Variants in IL1RAP observed in about 807,000 individuals in gnomAD.
The protein encoded by IL1RAP is interleukin 1 receptor accessory protein, also known as interleukin-1 receptor accessory protein.
In IL1RAP, 35 loss-of-function variants were observed where a neutral mutation model predicts 60.7. That is an observed-to-expected ratio of 0.58 (90% CI 0.44 to 0.76). The LOEUF is 0.76. IL1RAP is among the 30% of genes least tolerant of loss of function. The pLI is 0.00. For synonymous variants in IL1RAP, 268 were observed against 250.9 expected (o/e 1.07, Z -0.64); for missense variants, 572 against 693.9 (o/e 0.82, Z 1.97).
intron 5 of IL1RAP, among the ~76,000 whole-genome samples, chr3:190,616,753 T>G (rs969419164): frequency 1.3e-5 from 2 of 152,160 alleles, no homozygotes; most frequent in African/African-American, 4.8e-5. Flanking sequence ...ACTTATACAC[T>G]CGATGAGCCC....
Position 190,651,420 on chromosome 3 carries a change from TTTTA to T in IL1RAP, c.*2719_*2722del. The T allele has an allele frequency of 1.5e-6, 1 of 652,908 alleles. No individual in the cohort carries two copies. The highest frequency in any genetic ancestry group is 1.9e-6 in the Non-Finnish European group (1 of 526,650). 40.4% of individuals were successfully genotyped at this position (652,908 alleles called of 1,614,324 possible). A position where few individuals can be genotyped will look rare whatever the true frequency, so the allele number is the denominator to read the frequency against. On this transcript the variant is annotated 3_prime_UTR_variant, in exon 12 of 12. Transcript: ENST00000447382. ...GGTTTTAATATTTTGAGAGTGTCTT[TTTTA>T]TTTCATTCATGAACTTTTGTATTTT...
At chr3:190,646,686 T>C (rs1038678561) in intron 11 of IL1RAP, among the ~76,000 whole-genome samples, 1 of 152,218 alleles carries the variant, frequency 6.6e-6, no homozygotes, top group African/African-American at 2.4e-5. Context: ...TATCTAATCA[T>C]AAGCAAGACA....
Position 190,553,619 on chromosome 3 carries a change from C to T in IL1RAP, c.-88-2511C>T, listed in dbSNP as rs568652856. On this transcript the variant is annotated intron_variant, in intron 1 of 11. Coordinates refer to ENST00000447382, the MANE Select transcript of IL1RAP (RefSeq NM_002182.4). ...GATGGGACGGGGAACGGGGAGCTGC[C>T]GTTTGCCCGTCCATCCGGAAAAAAG... Among the ~76,000 whole-genome samples the T allele has an allele frequency of 5.9e-5, 9 of 152,172 alleles. No homozygotes were observed. The East Asian group carries it at 7.8e-4, about 13-fold the overall frequency.
At chr3:190,593,746 C>T (rs1216940046) in intron 3 of IL1RAP, among the ~76,000 whole-genome samples, 1 of 152,066 alleles carries the variant, frequency 6.6e-6, no homozygotes, top group East Asian at 1.9e-4. Flanking sequence ...ATGTCCCTCC[C>T]ACGACATTTG....
chr3:190,648,578 A>G lies in IL1RAP; in HGVS notation c.1586A>G (p.Glu529Gly). Residue 529 changes from glutamate to glycine, a missense_variant, in exon 12 of 12, where the codon GAA becomes GGA. Coordinates refer to ENST00000447382, the MANE Select transcript of IL1RAP (RefSeq NM_002182.4). ...TVLTVIKWKG[E>G]KSKYPQGRFW... Reference sequence around the variant, plus strand: ...CTCACGGTCATTAAATGGAAAGGGGAAAAATCCAAGTATCCACAGGGCAGG... The same window carrying G: ...CTCACGGTCATTAAATGGAAAGGGGGAAAATCCAAGTATCCACAGGGCAGG... 6.2e-7 allele frequency: 1 copy of G among 1,614,154 alleles called. No individual in the cohort carries two copies. The highest frequency in any genetic ancestry group is 8.5e-7 in the Non-Finnish European group (1 of 1,180,024).
chr3:190,579,980 A>G (rs1452486490), intron 3 of IL1RAP, among the ~76,000 whole-genome samples: 1 of 152,208 alleles, frequency 6.6e-6, no homozygotes, highest in Non-Finnish European at 1.5e-5. Flanking sequence ...TTCATCCCTG[A>G]TGCACCTGTG....
At chr3:190,619,600 C>G (rs920576313) in intron 5 of IL1RAP, among the ~76,000 whole-genome samples, 5 of 151,958 alleles carry the variant, frequency 3.3e-5, no homozygotes, top group Non-Finnish European at 5.9e-5. Flanking sequence ...TGGCGCGCAC[C>G]TGTACTCCCA....
Position 190,648,446 on chromosome 3 carries a change from C to G in IL1RAP, c.1454C>G (p.Ala485Gly), listed in dbSNP as rs1383824256. 1 of 1,614,136 alleles carries G rather than the reference C, an allele frequency of 6.2e-7. No homozygotes were observed. Among genetic ancestry groups the G allele is most frequent in the Non-Finnish European group, 8.5e-7 (1 of 1,180,012 alleles). The change falls in exon 12 of 12, where the codon GCT (alanine) becomes GGT (glycine). Residue 485 changes from alanine (A) to glycine (G), a missense_variant. Physicochemically the swap from Ala to Gly is moderately conservative, Grantham distance 60. Transcript: ENST00000447382. The part of the protein sequence containing the change: ...QGTQALLELK[A>G]GLENMASRGN... ...ACCCAAGCCCTCCTGGAGCTCAAGG[C>G]TGGCCTAGAAAATATGGCCTCTCGG...
At chr3:190,593,673 C>T (rs1361563180) in intron 3 of IL1RAP, among the ~76,000 whole-genome samples, 4 of 152,042 alleles carry the variant, frequency 2.6e-5, no homozygotes, top group South Asian at 4.2e-4. Context: ...TCTCGTGAGA[C>T]GTATTCATAT....
intron 1 of IL1RAP, among the ~76,000 whole-genome samples, chr3:190,552,796 T>C (rs1409925464): frequency 1.3e-5 from 2 of 152,082 alleles, no homozygotes; most frequent in Admixed American, 1.3e-4. Flanking sequence ...AATAATTTGG[T>C]TGACTGAAAA....
chr3:190,529,089 G>C (rs1029520945), intron 1 of IL1RAP, among the ~76,000 whole-genome samples: 1 of 152,174 alleles, frequency 6.6e-6, no homozygotes, highest in Admixed American at 6.5e-5. Context: ...AATGAAATCT[G>C]GATGTGACGT....
intron 3 of IL1RAP, among the ~76,000 whole-genome samples, chr3:190,602,250 C>T (rs1376073023): frequency 6.6e-6 from 1 of 152,124 alleles, no homozygotes; most frequent in Admixed American, 6.5e-5. Flanking sequence ...CCTTTAGTTC[C>T]TTACTGTAAA....
At chr3:190,525,578 T>TA (rs1473025053) in intron 1 of IL1RAP, among the ~76,000 whole-genome samples, 1 of 152,176 alleles carries the variant, frequency 6.6e-6, no homozygotes, top group East Asian at 1.9e-4. Flanking sequence ...TGGAAGAACT[T>TA]ATTTATAAGA....
At chr3:190,598,045 A>G (rs1729531625) in intron 3 of IL1RAP, among the ~76,000 whole-genome samples, 1 of 152,210 alleles carries the variant, frequency 6.6e-6, no homozygotes, top group African/African-American at 2.4e-5. Context: ...GTGAATCATG[A>G]CATCAGAATA....
chr3:190,544,135 C>G lies in IL1RAP; in HGVS notation c.-88-11995C>G, dbSNP rs545670339. On this transcript the variant is annotated intron_variant, in intron 1 of 11. Coordinates refer to ENST00000447382, the MANE Select transcript of IL1RAP (RefSeq NM_002182.4). Reference sequence around the variant, plus strand: ...AGCAGAACAATTGAAAATAATAGCCCTTTTAATTTTTCTAACATTAAGGTC... The same window carrying G: ...AGCAGAACAATTGAAAATAATAGCCGTTTTAATTTTTCTAACATTAAGGTC... Among the ~76,000 whole-genome samples, 8 of 152,212 alleles carry G rather than the reference C, an allele frequency of 5.3e-5. No homozygotes were observed. In the South Asian group the frequency reaches 1.7e-3, roughly 32 times the overall value.
At chr3:190,655,855 C>T (rs755302457), downstream of IL1RAP, 281 of 1,446,010 alleles carry the variant, frequency 1.9e-4, 1 homozygote, top group Middle Eastern at 1.7e-4. Flanking sequence ...TAAGTTTTCA[C>T]TATACATTGT....
intron 1 of IL1RAP, among the ~76,000 whole-genome samples, chr3:190,524,398 C>T (rs1195459729): frequency 1.3e-5 from 2 of 152,102 alleles, no homozygotes; most frequent in African/African-American, 2.4e-5. Flanking sequence ...AACTGCTTTT[C>T]GTGTCTTCAT....
chr3:190,549,951 C>T (rs1724718220), intron 1 of IL1RAP, among the ~76,000 whole-genome samples: 1 of 152,160 alleles, frequency 6.6e-6, no homozygotes. Flanking sequence ...GGGGAGCAGG[C>T]ATCCCTGGTT....
chr3:190,600,695 G>C (rs368877883), intron 3 of IL1RAP, among the ~76,000 whole-genome samples: 1 of 152,166 alleles, frequency 6.6e-6, no homozygotes, highest in African/African-American at 2.4e-5. Flanking sequence ...TCACATGGCC[G>C]CTCCTTACTT....
Sources: allele counts gnomAD v4.1 joint callset (sites outside exome capture counted in the v4.1 genomes callset), GRCh38; gene constraint gnomAD v4.1.1; transcripts MANE v1.5; gene names NCBI Gene and HGNC (gene_info 2026-07-23, HGNC 2026-07-21).